SIL1: variants seen among roughly 807,000 people sequenced by gnomAD.
SIL1 encodes nucleotide exchange factor SIL1.
A neutral mutation model predicts 49.1 loss-of-function variants in SIL1; 40 were observed. That is an observed-to-expected ratio of 0.81 (90% CI 0.63 to 1.06). The LOEUF (loss-of-function observed/expected upper bound fraction) is 1.06, where lower values mean the gene tolerates loss of function less well. Ranked by LOEUF, SIL1 falls within the 50% of genes least tolerant of loss-of-function variation. SIL1 has a pLI of 0.00. For missense variants in SIL1, 500 were observed against 572.6 expected, an observed-to-expected ratio of 0.87 and a Z score of 1.29; for synonymous variants, 253 against 250.8, an observed-to-expected ratio of 1.01 and a Z score of -0.08.
At chr5:138,952,693 G>C (rs1015054170) in intron 7 of SIL1, among the ~76,000 whole-genome samples, 1 of 152,226 alleles carries the variant, frequency 6.6e-6, no homozygotes, top group African/African-American at 2.4e-5. Flanking sequence ...TCAAAACCCT[G>C]AGCTGCCTCT....
chr5:139,003,906 T>C (rs1768050237), intron 7 of SIL1, among the ~76,000 whole-genome samples: 1 of 152,138 alleles, frequency 6.6e-6, no homozygotes, highest in South Asian at 2.1e-4. Flanking sequence ...CTGAAATAAC[T>C]CCAACTTTGG....
At chr5:139,129,223 G>A (rs1333859140) in intron 1 of SIL1, among the ~76,000 whole-genome samples, 1 of 152,132 alleles carries the variant, frequency 6.6e-6, no homozygotes, top group Admixed American at 6.5e-5. Flanking sequence ...GTAATCAAAG[G>A]GTGATACTGG....
chr5:139,009,976 G>A (rs1407085324), intron 7 of SIL1, among the ~76,000 whole-genome samples: 42 of 152,140 alleles, frequency 2.8e-4, no homozygotes, highest in African/African-American at 7.0e-4. Context: ...TCTTTGTGGC[G>A]TTCTCTGTAT....
chr5:139,183,209 C>T (rs1301153503), intron 1 of SIL1, among the ~76,000 whole-genome samples: 2 of 152,194 alleles, frequency 1.3e-5, no homozygotes, highest in East Asian at 3.8e-4. Context: ...TAAGCATGAC[C>T]TCTACATGCC....
At chr5:139,042,274 A>T (rs1769064011) in intron 5 of SIL1, among the ~76,000 whole-genome samples, 1 of 152,166 alleles carries the variant, frequency 6.6e-6, no homozygotes, top group South Asian at 2.1e-4. Context: ...AGTGTAAGTG[A>T]GGCAGAGATC....
At chr5:138,950,031 G>C (rs893968611) in intron 9 of SIL1, among the ~76,000 whole-genome samples, 9 of 152,106 alleles carry the variant, frequency 5.9e-5, no homozygotes, top group African/African-American at 2.2e-4. Context: ...CCAGAGGCAG[G>C]CTCCCGGGGC....
intron 5 of SIL1, among the ~76,000 whole-genome samples, chr5:139,027,523 C>T (rs1017140695): frequency 1.3e-5 from 2 of 152,204 alleles, no homozygotes; most frequent in Non-Finnish European, 2.9e-5. Flanking sequence ...ACTGTCATTA[C>T]TGTCAATCTA....
At chr5:138,950,813 T>C (rs922764874) in intron 9 of SIL1, among the ~76,000 whole-genome samples, 1 of 152,114 alleles carries the variant, frequency 6.6e-6, no homozygotes, top group African/African-American at 2.4e-5. Context: ...GTGAGTGCCA[T>C]TCGAAGGAGC....
At chr5:138,973,583 T>C (rs1221117711) in intron 7 of SIL1, among the ~76,000 whole-genome samples, 1 of 152,138 alleles carries the variant, frequency 6.6e-6, no homozygotes. Flanking sequence ...TGTTGCAGCT[T>C]CCTATGTAGC....
At chr5:139,113,326 AAT>A (rs1491146794) in intron 3 of SIL1, among the ~76,000 whole-genome samples, 10 of 106,070 alleles carry the variant, frequency 9.4e-5, no homozygotes, top group African/African-American at 2.8e-4. Context: ...TAAATAAATA[AAT>A]TTAAAAAAAA....
chr5:138,983,043 A>G (rs1157236265), intron 7 of SIL1, among the ~76,000 whole-genome samples: 1 of 151,842 alleles, frequency 6.6e-6, no homozygotes, highest in Non-Finnish European at 1.5e-5. Flanking sequence ...CTAAAAATAC[A>G]AAAATTAGCC....
At chr5:139,174,557 C>T (rs1456505434) in intron 1 of SIL1, among the ~76,000 whole-genome samples, 2 of 151,972 alleles carry the variant, frequency 1.3e-5, no homozygotes, top group African/African-American at 4.8e-5. Context: ...TGGCACATGC[C>T]TGTGGTACCA....
rs1219587461 is a variant in SIL1 at position 138,948,135 on chromosome 5, G to T, written c.1030-662C>A. Among the ~76,000 whole-genome samples the T allele has an allele frequency of 6.6e-6, 1 of 152,190 alleles. No homozygotes were observed. The highest frequency in any genetic ancestry group is 1.5e-5 in the Non-Finnish European group (1 of 68,036). The stretch of plus-strand genomic sequence containing the variant: ...AGGAATGCCTGCCCTAACTCCAGGG[G>T]AGAATGAAGCACAGGGAAGATGCAC... On this transcript the variant is annotated intron_variant, in intron 9 of 9. Transcript: ENST00000394817. The surrounding 1 kb of genome is among the most constrained non-coding windows in gnomAD (Gnocchi z 4.8).
At chr5:139,096,843 G>A (rs1770477609) in intron 3 of SIL1, among the ~76,000 whole-genome samples, 1 of 151,894 alleles carries the variant, frequency 6.6e-6, no homozygotes, top group Non-Finnish European at 1.5e-5. Flanking sequence ...GTAAGCCTCT[G>A]AGACAGCTCA....
chr5:139,022,961 G>C (rs988087766), intron 6 of SIL1, among the ~76,000 whole-genome samples: 1 of 152,084 alleles, frequency 6.6e-6, no homozygotes, highest in Non-Finnish European at 1.5e-5. Context: ...GTCATACCAC[G>C]CCTGGAATGG....
At chr5:139,079,247 G>A (rs944092941) in intron 3 of SIL1, among the ~76,000 whole-genome samples, 1 of 152,078 alleles carries the variant, frequency 6.6e-6, no homozygotes. Flanking sequence ...CCCTTTGGGG[G>A]ACTCAAATCT....
chr5:139,149,518 G>C (rs1417672739), intron 1 of SIL1, among the ~76,000 whole-genome samples: 1 of 152,140 alleles, frequency 6.6e-6, no homozygotes, highest in Non-Finnish European at 1.5e-5. Context: ...AATGGAGATA[G>C]ATTGGCAATA....
chr5:139,194,848 GAGC>G (rs1019004101), intron 1 of SIL1, among the ~76,000 whole-genome samples: 3 of 152,144 alleles, frequency 2.0e-5, no homozygotes, highest in African/African-American at 7.2e-5. Context: ...GGGGGAGGCT[GAGC>G]AGGTCAGAGT....
At chr5:138,994,579 G>T (rs1298823777) in intron 7 of SIL1, among the ~76,000 whole-genome samples, 1 of 152,126 alleles carries the variant, frequency 6.6e-6, no homozygotes, top group African/African-American at 2.4e-5. Flanking sequence ...CCAGTGTTTT[G>T]TTGAGCCTCA....
Sources: allele counts gnomAD v4.1 joint callset (sites outside exome capture counted in the v4.1 genomes callset), GRCh38; gene constraint gnomAD v4.1.1; non-coding constraint Gnocchi (gnomAD v3.1); transcripts MANE v1.5; gene names NCBI Gene and HGNC (gene_info 2026-07-23, HGNC 2026-07-21).